PKN2: variants seen among roughly 807,000 people sequenced by gnomAD.
PKN2 encodes the protein protein kinase N2, also known as serine/threonine-protein kinase N2.
In PKN2, 38 loss-of-function variants were observed where a neutral mutation model predicts 119.1. That is an observed-to-expected ratio of 0.32 (90% confidence interval 0.25 to 0.42). PKN2 has a LOEUF of 0.42. Among genes scored for constraint, PKN2 ranks in the 10% least tolerant of loss-of-function variants. The probability of loss-of-function intolerance (pLI) is 1.00; values close to 1 mark genes in which losing one functional copy is unlikely to be tolerated. For synonymous variants in PKN2, 390 were observed against 384.9 expected, an observed-to-expected ratio of 1.01 and a Z score of -0.15; for missense variants, 850 against 1,165.1, an observed-to-expected ratio of 0.73 and a Z score of 3.94.
chr1:88,809,733 T>C (rs1022614333), intron 15 of PKN2, among the ~76,000 whole-genome samples: 1 of 152,200 alleles, frequency 6.6e-6, no homozygotes, highest in Non-Finnish European at 1.5e-5. Flanking sequence ...GCCATCCTCC[T>C]GCCTCAGCTT....
chr1:88,760,342 A>G lies in PKN2; in HGVS notation c.470A>G (p.Asn157Ser). ...IELKVKQGAENMIQMYSNGSS... is the reference protein window; with the variant it reads ...IELKVKQGAESMIQMYSNGSS... ...CTTAAAGTAAAACAAGGTGCAGAGAATATGATACAGATGTATTCAAATGGA... is the reference window on the plus strand; with the variant it reads ...CTTAAAGTAAAACAAGGTGCAGAGAGTATGATACAGATGTATTCAAATGGA... The change falls in exon 3 of 22, where the codon AAT becomes AGT. Residue 157 changes from asparagine to serine, a missense_variant. Coordinates refer to ENST00000370521, the MANE Select transcript of PKN2 (RefSeq NM_006256.4). The G allele has an allele frequency of 6.4e-7, 1 of 1,566,838 alleles. No homozygotes were observed. The highest frequency in any genetic ancestry group is 8.8e-7 in the Non-Finnish European group (1 of 1,140,266).
intron 1 of PKN2, among the ~76,000 whole-genome samples, chr1:88,730,357 A>G (rs1327993139): frequency 6.6e-6 from 1 of 152,208 alleles, no homozygotes; most frequent in East Asian, 1.9e-4. Context: ...TAGGGCTTGT[A>G]TAGCAGTGCC....
intron 1 of PKN2, among the ~76,000 whole-genome samples, chr1:88,693,105 A>G (rs1666394296): frequency 6.6e-6 from 1 of 152,160 alleles, no homozygotes; most frequent in Non-Finnish European, 1.5e-5. Flanking sequence ...TTATACATAC[A>G]CTTCATCAGT....
At chr1:88,831,661 C>T (rs1672737961) in intron 19 of PKN2, among the ~76,000 whole-genome samples, 1 of 152,034 alleles carries the variant, frequency 6.6e-6, no homozygotes, top group African/African-American at 2.4e-5. Flanking sequence ...AAAGATTGCT[C>T]ACTTTCCCTG....
At chr1:88,730,430 G>A (rs1668103298) in intron 1 of PKN2, among the ~76,000 whole-genome samples, 1 of 152,172 alleles carries the variant, frequency 6.6e-6, no homozygotes, top group Non-Finnish European at 1.5e-5. Flanking sequence ...AGTGTATTGG[G>A]TTTTGTCCTG....
intron 8 of PKN2, among the ~76,000 whole-genome samples, chr1:88,802,674 G>T (rs1372302866): frequency 2.6e-5 from 4 of 152,166 alleles, no homozygotes; most frequent in Non-Finnish European, 5.9e-5. Flanking sequence ...AGAGGAAAGA[G>T]AAATTAGTCA....
intron 2 of PKN2, among the ~76,000 whole-genome samples, chr1:88,750,238 G>A (rs956777966): frequency 6.6e-6 from 1 of 152,178 alleles, no homozygotes; most frequent in African/African-American, 2.4e-5. Context: ...CTGGGTCTGA[G>A]AAGTAAAGAC....
intron 3 of PKN2, among the ~76,000 whole-genome samples, chr1:88,762,918 G>A (rs1271707127): frequency 6.6e-6 from 1 of 152,152 alleles, no homozygotes; most frequent in Non-Finnish European, 1.5e-5. Context: ...AAGTGATTTG[G>A]TGTGGCTATA....
At chr1:88,804,786 A>T in intron 9 of PKN2, 60 bp from the exon 10 acceptor site, 1 of 958,626 alleles carries the variant, frequency 1.0e-6, no homozygotes. Flanking sequence ...AATTTTATAA[A>T]TTTAGTAGAT....
At position 88,832,767 on chromosome 1, in the gene PKN2, A is replaced by G. The variant is rs760934020; in HGVS notation, c.2586A>G (p.Glu862=). 1.3e-6 allele frequency: 2 copies of G among 1,599,588 alleles called. No individual in the cohort carries two copies. The highest frequency in any genetic ancestry group is 3.4e-5 in the Admixed American group (2 of 58,456). The change falls in exon 20 of 22, where the codon GAA becomes GAG. Residue 862 remains glutamate, a synonymous_variant. Coordinates refer to ENST00000370521, the MANE Select transcript of PKN2 (RefSeq NM_006256.4). ...AGTCTCCCTTTCCTGGTGATGATGAAGAGGAAGTTTTTGACAGTATTGTAA... is the reference window on the plus strand; with the variant it reads ...AGTCTCCCTTTCCTGGTGATGATGAGGAGGAAGTTTTTGACAGTATTGTAA... The part of the protein sequence containing the change: ...VGESPFPGDD[E]EEVFDSIVND...
intron 1 of PKN2, among the ~76,000 whole-genome samples, chr1:88,717,194 G>T (rs889710417): frequency 1.1e-4 from 17 of 152,270 alleles, no homozygotes; most frequent in Admixed American, 2.0e-4. Flanking sequence ...CCCTTTGTGG[G>T]TAACCTGACC....
chr1:88,719,577 CTTTA>C (rs893155093), intron 1 of PKN2, among the ~76,000 whole-genome samples: 27 of 152,088 alleles, frequency 1.8e-4, no homozygotes, highest in Admixed American at 5.2e-4. Context: ...CTATATATTT[CTTTA>C]TTTAAGCCAA....
chr1:88,754,306 TTAA>T (rs1260019716), intron 2 of PKN2, among the ~76,000 whole-genome samples: 1 of 152,214 alleles, frequency 6.6e-6, no homozygotes, highest in African/African-American at 2.4e-5. Context: ...TTTTTCAGTA[TTAA>T]TCTGCTATTT....
rs754620469 is a variant in PKN2, at chr1:88,770,321, G to A, written c.505-31G>A. The stretch of plus-strand genomic sequence containing the variant: ...AAATGTTTCATTTTTCCCTTTATTT[G>A]CTTAATTTTTCAAACTTATTTTTTT... On this transcript the variant is annotated intron_variant, in intron 3 of 21. Coordinates refer to ENST00000370521, the MANE Select transcript of PKN2 (RefSeq NM_006256.4). 9 of 1,274,052 alleles carry A rather than the reference G, an allele frequency of 7.1e-6. No individual in the cohort carries two copies. The South Asian group carries it at 9.6e-5, about 14-fold the overall frequency. The allele number at this position is 1,274,052 out of a possible 1,614,324, so 78.9% of individuals were successfully genotyped here. A position where few individuals can be genotyped will look rare whatever the true frequency, so the allele number is the denominator to read the frequency against.
intron 19 of PKN2, among the ~76,000 whole-genome samples, chr1:88,830,956 A>C (rs1034329727): frequency 6.6e-6 from 1 of 152,130 alleles, no homozygotes; most frequent in African/African-American, 2.4e-5. Flanking sequence ...AGATTTCTCT[A>C]TTATTACAAA....
Position 88,835,351 on chromosome 1 carries a change from A to G in PKN2, c.*1903A>G, listed in dbSNP as rs1672898815. Reference sequence around the variant, plus strand: ...TAAAATAAAACACTAAATACTTTTGAGGTACAGTCTGCTCACTTTTTTGGT... The same window carrying G: ...TAAAATAAAACACTAAATACTTTTGGGGTACAGTCTGCTCACTTTTTTGGT... On this transcript the variant is annotated 3_prime_UTR_variant, in exon 22 of 22. Transcript: ENST00000370521. 6.6e-6 allele frequency: 1 copy of G among 152,510 alleles called. No individual in the cohort carries two copies. The highest frequency in any genetic ancestry group is 2.1e-4 in the South Asian group (1 of 4,834). The allele number at this position is 152,510 out of a possible 1,614,324, so 9.4% of individuals were successfully genotyped here. A position where few individuals can be genotyped will look rare whatever the true frequency, so the allele number is the denominator to read the frequency against.
chr1:88,722,817 A>G (rs936556997), intron 1 of PKN2, among the ~76,000 whole-genome samples: 3 of 151,930 alleles, frequency 2.0e-5, no homozygotes, highest in Non-Finnish European at 2.9e-5. Context: ...GAAAAAAATT[A>G]TTGATTGACT....
intron 8 of PKN2, among the ~76,000 whole-genome samples, chr1:88,794,354 C>T (rs1037603500): frequency 1.4e-5 from 2 of 142,350 alleles, no homozygotes; most frequent in East Asian, 2.0e-4. Flanking sequence ...GCAACAAGAG[C>T]GAAATTCTGT....
intron 3 of PKN2, among the ~76,000 whole-genome samples, chr1:88,764,086 G>A (rs1440006212): frequency 6.6e-6 from 1 of 152,074 alleles, no homozygotes; most frequent in African/African-American, 2.4e-5. Flanking sequence ...CTCATACTTA[G>A]GACAAAATCC....
Sources: allele counts gnomAD v4.1 joint callset (sites outside exome capture counted in the v4.1 genomes callset), GRCh38; gene constraint gnomAD v4.1.1; transcripts MANE v1.5; gene names NCBI Gene and HGNC (gene_info 2026-07-23, HGNC 2026-07-21).